CNNM4: variants seen among roughly 807,000 people sequenced by gnomAD.
CNNM4 encodes the protein metal transporter CNNM4.
In CNNM4, 32 loss-of-function variants were observed where a neutral mutation model predicts 53.7. The ratio of observed to expected loss-of-function variants is 0.60; its 90% CI spans 0.45 to 0.80. The LOEUF (loss-of-function observed/expected upper bound fraction) is 0.80. Among genes scored for constraint, CNNM4 ranks in the 30% least tolerant of loss-of-function variants. The probability of loss-of-function intolerance (pLI) is 0.00; values close to 1 mark genes in which losing one functional copy is unlikely to be tolerated. For synonymous variants in CNNM4, 410 were observed against 440.0 expected (o/e 0.93, Z 0.85); for missense variants, 784 against 1,022.0 (o/e 0.77, Z 3.17).
chr2:96,764,093 A>T (rs191110932), intron 1 of CNNM4, among the ~76,000 whole-genome samples: 1 of 151,558 alleles, frequency 6.6e-6, no homozygotes, highest in Non-Finnish European at 1.5e-5. Flanking sequence ...GTTTGGGACT[A>T]TGGTTTGTGA....
intron 1 of CNNM4, among the ~76,000 whole-genome samples, chr2:96,775,490 T>C (rs1231491840): frequency 6.6e-6 from 1 of 152,198 alleles, no homozygotes; most frequent in Non-Finnish European, 1.5e-5. Flanking sequence ...TTACAAATGA[T>C]GCTGCTAAGA....
intron 1 of CNNM4, among the ~76,000 whole-genome samples, chr2:96,768,079 C>T (rs190275026): frequency 1.4e-4 from 21 of 152,202 alleles, no homozygotes; most frequent in East Asian, 7.7e-4. Context: ...CAAAACAAAA[C>T]GAAACAACAA....
intron 1 of CNNM4, among the ~76,000 whole-genome samples, chr2:96,792,766 T>TG (rs1370088317): frequency 6.6e-6 from 1 of 151,916 alleles, no homozygotes; most frequent in Non-Finnish European, 1.5e-5. Flanking sequence ...ATCGCGCCAC[T>TG]GTACTCCAGC....
At chr2:96,807,105 G>A (rs2079215818) in intron 5 of CNNM4, among the ~76,000 whole-genome samples, 1 of 152,166 alleles carries the variant, frequency 6.6e-6, no homozygotes, top group Non-Finnish European at 1.5e-5. Flanking sequence ...CCGCCTCCCA[G>A]GCTCAGGTGA....
At chr2:96,762,438 C>G (rs771935307) in intron 1 of CNNM4, 37 bp downstream of exon 1, 5 of 1,570,374 alleles carry the variant, frequency 3.2e-6, no homozygotes, top group Non-Finnish European at 4.4e-6. Context: ...TCAATTTCCT[C>G]TTGACGCCTC....
intron 1 of CNNM4, among the ~76,000 whole-genome samples, chr2:96,772,292 T>C (rs1257293911): frequency 2.5e-5 from 3 of 117,996 alleles, no homozygotes; most frequent in African/African-American, 1.0e-4. Flanking sequence ...TACCCCCACA[T>C]AGGCACAGGC....
At chr2:96,803,739 C>A (rs1032770175) in intron 5 of CNNM4, among the ~76,000 whole-genome samples, 2 of 150,774 alleles carry the variant, frequency 1.3e-5, no homozygotes, top group African/African-American at 2.4e-5. Context: ...AAAAAAAAAA[C>A]CTTGCAGTTT....
chr2:96,797,825 G>A lies in CNNM4; in HGVS notation c.1681+178G>A, dbSNP rs947906267. Among the ~76,000 whole-genome samples the A allele has an allele frequency of 6.6e-6, 1 of 152,170 alleles. No individual in the cohort carries two copies. The highest frequency in any genetic ancestry group is 2.4e-5 in the African/African-American group (1 of 41,452). On this transcript the variant is annotated intron_variant, in intron 3 of 6. Coordinates refer to ENST00000377075, the MANE Select transcript of CNNM4 (RefSeq NM_020184.4). The surrounding 1 kb of genome is among the most constrained non-coding windows in gnomAD (Gnocchi z 6.0). ...GCTCCACCCCTGGGGATCTCCCTGCGATTCATTTGCCATTAATGGGCGGCT... is the reference window on the plus strand; with the variant it reads ...GCTCCACCCCTGGGGATCTCCCTGCAATTCATTTGCCATTAATGGGCGGCT...
chr2:96,780,209 ATCTTT>A (rs939050215), intron 1 of CNNM4, among the ~76,000 whole-genome samples: 1 of 152,102 alleles, frequency 6.6e-6, no homozygotes, highest in Admixed American at 6.6e-5. Flanking sequence ...AATCTTACAC[ATCTTT>A]TCTTGAGTAT....
rs978349089 is a variant in CNNM4 at position 96,800,357 on chromosome 2, A to G, written c.1948+709A>G. On this transcript the variant is annotated intron_variant, in intron 5 of 6. Transcript: ENST00000377075. This position sits in a 1 kb window ranked among gnomAD's most constrained non-coding sequence, Gnocchi z 4.6. ...TTCGGTCCTGGGGCGAGGTTGCTGC[A>G]GGGTAGAGAGAGAAAGTCCACTTTG... Among the ~76,000 whole-genome samples the G allele has an allele frequency of 1.4e-4, 22 of 152,198 alleles. No homozygotes were observed. The highest frequency in any genetic ancestry group is 5.3e-4 in the African/African-American group (22 of 41,450).
In CNNM4 at chr2:96,799,160, G is replaced by A. The variant is rs780354409; in HGVS notation, c.1785G>A (p.Lys595=). 1 of 1,613,624 alleles carries A rather than the reference G, an allele frequency of 6.2e-7. No homozygotes were observed. The highest frequency in any genetic ancestry group is 1.1e-5 in the South Asian group (1 of 91,060). The change falls in exon 4 of 7, where the codon AAG becomes AAA. Residue 595 remains lysine, a synonymous_variant. Coordinates refer to ENST00000377075, the MANE Select transcript of CNNM4 (RefSeq NM_020184.4). ...IQELKFDEHN[K]YYARHYLYTR... is the part of the protein sequence containing the mutation. Reference sequence around the variant, plus strand: ...AACTCAAGTTTGACGAGCACAATAAGTACTACGCCCGCCATTACCTGTACA... The same window carrying A: ...AACTCAAGTTTGACGAGCACAATAAATACTACGCCCGCCATTACCTGTACA...
At chr2:96,768,261 C>T (rs182774403) in intron 1 of CNNM4, among the ~76,000 whole-genome samples, 93 of 152,320 alleles carry the variant, frequency 6.1e-4, no homozygotes, top group Non-Finnish European at 1.1e-3. Flanking sequence ...CCACACCCCA[C>T]CCTCCCATCC....
intron 1 of CNNM4, among the ~76,000 whole-genome samples, chr2:96,765,298 G>A (rs1452152542): frequency 6.6e-6 from 1 of 151,314 alleles, no homozygotes; most frequent in African/African-American, 2.4e-5. Flanking sequence ...GGCTAATTTT[G>A]TTTATTTAGT....
rs2153349339 is a variant in CNNM4 at position 96,797,438 on chromosome 2, C to G, written c.1547-75C>G. The G allele has an allele frequency of 3.1e-6, 5 of 1,588,914 alleles. No individual in the cohort carries two copies. Among genetic ancestry groups the G allele is most frequent in the Admixed American group, 1.7e-5 (1 of 60,018 alleles). On this transcript the variant is annotated intron_variant, in intron 2 of 6. Coordinates refer to ENST00000377075, the MANE Select transcript of CNNM4 (RefSeq NM_020184.4). The surrounding 1 kb of genome is among the most constrained non-coding windows in gnomAD (Gnocchi z 6.0). ...GGGACTAGGGGCTGGAGAGCAGGAG[C>G]TGCGGGGCGGGTTCCAGTCTCTTCC...
At chr2:96,777,383 G>A (rs1348141460) in intron 1 of CNNM4, among the ~76,000 whole-genome samples, 2 of 152,078 alleles carry the variant, frequency 1.3e-5, no homozygotes, top group Non-Finnish European at 2.9e-5. Flanking sequence ...CAGTCTCTCT[G>A]TCACGTAGGC....
intron 1 of CNNM4, chr2:96,788,525 CCTTCTTG>C (rs1240640460): frequency 6.6e-6 from 1 of 152,338 alleles, no homozygotes; most frequent in East Asian, 1.9e-4. Flanking sequence ...CCTGGCTCTG[CCTTCTTG>C]CTGGGCTGGC....
Position 96,801,138 on chromosome 2 carries a change from A to C in CNNM4, c.1948+1490A>C. The stretch of plus-strand genomic sequence containing the variant: ...TCCCTGCTCTGCTGGCTCACAGGTA[A>C]CGTGGCACAGCTGAGGGTCACGCTG... On this transcript the variant is annotated intron_variant, in intron 5 of 6. Transcript: ENST00000377075. The surrounding 1 kb of genome is among the most constrained non-coding windows in gnomAD (Gnocchi z 5.6). 1 of 985,232 alleles carries C rather than the reference A, an allele frequency of 1.0e-6. No homozygotes were observed. The highest frequency in any genetic ancestry group is 1.7e-5 in the African/African-American group (1 of 57,316). 61.0% of individuals were successfully genotyped at this position (985,232 alleles called of 1,614,324 possible).
At chr2:96,794,952 C>T (rs1000156632) in intron 1 of CNNM4, among the ~76,000 whole-genome samples, 1 of 152,222 alleles carries the variant, frequency 6.6e-6, no homozygotes, top group African/African-American at 2.4e-5. Context: ...AAATCCAAAA[C>T]TTTTTGAGTA....
chr2:96,770,825 G>A (rs1305142850), intron 1 of CNNM4, among the ~76,000 whole-genome samples: 3 of 152,240 alleles, frequency 2.0e-5, no homozygotes, highest in African/African-American at 7.2e-5. Flanking sequence ...AGGCCGCGCA[G>A]CCATGGAGAG....
Sources: allele counts gnomAD v4.1 joint callset (sites outside exome capture counted in the v4.1 genomes callset), GRCh38; gene constraint gnomAD v4.1.1; non-coding constraint Gnocchi (gnomAD v3.1); transcripts MANE v1.5; gene names NCBI Gene and HGNC (gene_info 2026-07-23, HGNC 2026-07-21).